SLC4A4: variants seen among roughly 807,000 people sequenced by gnomAD.
SLC4A4 encodes electrogenic sodium bicarbonate cotransporter 1.
SLC4A4 carries 27 observed loss-of-function variants against 111.5 expected under a neutral mutation model. That is an observed-to-expected ratio of 0.24 (90% CI 0.18 to 0.33). The LOEUF is 0.33. Among genes scored for constraint, SLC4A4 ranks in the 10% least tolerant of loss-of-function variants. The probability of loss-of-function intolerance (pLI) is 1.00; values close to 1 mark genes in which losing one functional copy is unlikely to be tolerated. For synonymous variants in SLC4A4, 443 were observed against 463.4 expected, an observed-to-expected ratio of 0.96 and a Z score of 0.57; for missense variants, 909 against 1,315.5, an observed-to-expected ratio of 0.69 and a Z score of 4.78.
chr4:71,314,514 AC>A (rs1327502520), intron 3 of SLC4A4, among the ~76,000 whole-genome samples: 1 of 152,166 alleles, frequency 6.6e-6, no homozygotes, highest in Non-Finnish European at 1.5e-5. Flanking sequence ...CTTGGAACCA[AC>A]CCAAATGACC....
rs531149086 is a variant in SLC4A4 at position 71,095,715 on chromosome 4, T to C, written c.-2+2923T>C. 5.3e-5 allele frequency among the ~76,000 whole-genome samples: 8 copies of C among 152,294 alleles called. No homozygotes were observed. In the South Asian group the frequency reaches 1.7e-3, roughly 32 times the overall value. On this transcript the variant is annotated intron_variant, in intron 2 of 26. Transcript: ENST00000649996. Reference sequence around the variant, plus strand: ...AAGAAGGGTATGGCTCCTACTGTCATAGAGCTTATGGCCTAGTATGGAAAA... The same window carrying C: ...AAGAAGGGTATGGCTCCTACTGTCACAGAGCTTATGGCCTAGTATGGAAAA...
chr4:71,337,708 A>G (rs943321234), intron 3 of SLC4A4, among the ~76,000 whole-genome samples: 2 of 152,080 alleles, frequency 1.3e-5, no homozygotes, highest in Non-Finnish European at 2.9e-5. Context: ...CCCTTTAGAG[A>G]GATGTTTCCA....
chr4:71,441,587 G>A (rs1724719682), intron 8 of SLC4A4, among the ~76,000 whole-genome samples: 1 of 152,082 alleles, frequency 6.6e-6, no homozygotes, highest in Non-Finnish European at 1.5e-5. Flanking sequence ...TTCCTCATGT[G>A]AGCAGGAAGG....
intron 3 of SLC4A4, among the ~76,000 whole-genome samples, chr4:71,274,089 A>G (rs1722897584): frequency 6.6e-6 from 1 of 152,250 alleles, no homozygotes; most frequent in South Asian, 2.1e-4. Flanking sequence ...GACCAATAGC[A>G]TAAACAGTTA....
Position 71,136,048 on chromosome 4 carries a change from G to C in SLC4A4, c.-2+43256G>C, listed in dbSNP as rs537076321. Among the ~76,000 whole-genome samples the C allele has an allele frequency of 7.9e-5, 12 of 152,306 alleles. No individual in the cohort carries two copies. The South Asian group carries it at 2.5e-3, about 32-fold the overall frequency. On this transcript the variant is annotated intron_variant, in intron 2 of 26. Coordinates refer to the SLC4A4 transcript ENST00000649996. ...TGCTGCAGAGACAGAAGAACCATAA[G>C]AGCTTAAACATTCTTTTCCCACCCA...
At chr4:71,068,404 C>T (rs534896422) in intron 1 of SLC4A4, among the ~76,000 whole-genome samples, 2 of 151,718 alleles carry the variant, frequency 1.3e-5, no homozygotes, top group Non-Finnish European at 2.9e-5. Context: ...TATATACATC[C>T]ATCTCACCAC....
chr4:71,524,518 T>C (rs772625147), intron 16 of SLC4A4, among the ~76,000 whole-genome samples: 3 of 152,164 alleles, frequency 2.0e-5, no homozygotes, highest in Non-Finnish European at 4.4e-5. Context: ...CAAATCTCTT[T>C]GACTTAGAAC....
chr4:71,090,016 G>C (rs1381816470), intron 1 of SLC4A4, among the ~76,000 whole-genome samples: 1 of 151,286 alleles, frequency 6.6e-6, no homozygotes, highest in Admixed American at 6.6e-5. Flanking sequence ...GAGGCAGGCA[G>C]GCCTCCTGGA....
In SLC4A4 at chr4:71,151,986, T is replaced by C. The variant is rs182212031; in HGVS notation, c.-2+59194T>C. Among the ~76,000 whole-genome samples the C allele has an allele frequency of 2.9e-3, 435 of 152,018 alleles. 3 individuals carry two copies. Among genetic ancestry groups the C allele is most frequent in the African/African-American group, 0.01 (416 of 41,496 alleles). ...CTACAGTGAGCCATGATCATGCCAC[T>C]GTACTCCAACCTGGGTGACAGAGCA... On this transcript the variant is annotated intron_variant, in intron 2 of 26. Coordinates refer to the SLC4A4 transcript ENST00000649996.
chr4:71,497,644 T>C lies in SLC4A4; in HGVS notation c.2118T>C (p.Ser706=). ...TCCTCTTCTTGGGAACCTACACCTC[T>C]TCCATGGCTCTGAAAAAATTCAAAA... ...SFILFLGTYT[S]SMALKKFKTS... The change falls in exon 16 of 26, where the codon TCT becomes TCC. Residue 706 remains serine, a synonymous_variant. Coordinates refer to ENST00000264485, the MANE Select transcript of SLC4A4 (RefSeq NM_001098484.3). 6.2e-7 allele frequency: 1 copy of C among 1,613,690 alleles called. No individual in the cohort carries two copies. The highest frequency in any genetic ancestry group is 8.5e-7 in the Non-Finnish European group (1 of 1,179,720).
chr4:71,115,963 C>T (rs188599946), intron 2 of SLC4A4, among the ~76,000 whole-genome samples: 19 of 152,274 alleles, frequency 1.2e-4, no homozygotes, highest in East Asian at 7.7e-4. Flanking sequence ...GGCACGATCT[C>T]GGCTCACTGC....
At chr4:71,096,785 G>A (rs1742569238) in intron 2 of SLC4A4, among the ~76,000 whole-genome samples, 2 of 152,132 alleles carry the variant, frequency 1.3e-5, no homozygotes, top group Admixed American at 6.6e-5. Context: ...GTCAAGATAA[G>A]GACTGAAATG....
At chr4:71,189,184 T>G (rs1745621564) in intron 1 of SLC4A4, among the ~76,000 whole-genome samples, 1 of 152,186 alleles carries the variant, frequency 6.6e-6, no homozygotes, top group East Asian at 1.9e-4. Flanking sequence ...CATTTTGGAT[T>G]TAAGTGTACT....
intron 1 of SLC4A4, among the ~76,000 whole-genome samples, chr4:71,221,956 C>T (rs1302525690): frequency 6.6e-6 from 1 of 152,176 alleles, no homozygotes; most frequent in East Asian, 1.9e-4. Flanking sequence ...CTCTGTGCTA[C>T]ACTAGTTGTG....
intron 7 of SLC4A4, among the ~76,000 whole-genome samples, chr4:71,430,754 G>T (rs556844986): frequency 7.9e-5 from 12 of 152,058 alleles, no homozygotes; most frequent in Non-Finnish European, 1.6e-4. Flanking sequence ...CCCTTTCCTG[G>T]TGTGGACAGT....
chr4:71,264,005 G>A (rs1025700321), intron 3 of SLC4A4, among the ~76,000 whole-genome samples: 1 of 152,090 alleles, frequency 6.6e-6, no homozygotes, highest in Non-Finnish European at 1.5e-5. Flanking sequence ...GCATAAAAGA[G>A]GTTACTTATG....
chr4:71,538,379 A>C (rs1014632816), intron 18 of SLC4A4, among the ~76,000 whole-genome samples: 1 of 152,188 alleles, frequency 6.6e-6, no homozygotes. Context: ...ATAAGTTTTC[A>C]TCACCTTCAG....
chr4:71,135,125 T>A (rs1743807992), intron 2 of SLC4A4, among the ~76,000 whole-genome samples: 1 of 152,188 alleles, frequency 6.6e-6, no homozygotes, highest in Non-Finnish European at 1.5e-5. Flanking sequence ...ATATTTTAAA[T>A]TCAATCTTCT....
intron 1 of SLC4A4, among the ~76,000 whole-genome samples, chr4:71,091,113 T>A (rs28505929): frequency 0.092 from 13,919 of 151,936 alleles, 790 homozygotes; most frequent in African/African-American, 0.16. Context: ...ATACTCAGCT[T>A]ATTTTTGTAT....
Sources: gnomAD v4.1 joint callset for allele counts (sites outside exome capture counted in the v4.1 genomes callset) on GRCh38, gnomAD v4.1.1 for gene constraint, MANE v1.5 for transcripts, NCBI Gene and HGNC (gene_info 2026-07-23, HGNC 2026-07-21) for gene names.